Variants in TIAM2 observed in about 807,000 individuals in gnomAD.
The protein encoded by TIAM2 is rho guanine nucleotide exchange factor TIAM2.
TIAM2 carries 80 observed loss-of-function variants against 152.9 expected under a neutral mutation model. That is an observed-to-expected ratio of 0.52 (90% CI 0.44 to 0.63). TIAM2 has a LOEUF of 0.63. Ranked by LOEUF, TIAM2 falls within the 30% of genes least tolerant of loss-of-function variation. The pLI, the probability that TIAM2 is intolerant of heterozygous loss-of-function variation, is 0.00. For missense variants in TIAM2, 1,965 were observed against 2,120.1 expected (o/e 0.93, Z 1.44); for synonymous variants, 804 against 838.0 (o/e 0.96, Z 0.70).
rs879014193 is a variant in TIAM2, at chr6:155,240,548, G to A, written c.3187G>A (p.Ala1063Thr). Residue 1063 changes from alanine to threonine, a missense_variant, in exon 16 of 27, where the codon GCA (alanine) becomes ACA (threonine). Coordinates refer to ENST00000682666, the MANE Select transcript of TIAM2 (RefSeq NM_012454.4). ...CTCTCAGAGTGCTGAGCAGATCACT[G>A]CACTGTGCAGGAGTTTTAACGACAG... ...QTFRSAEQITALCRSFNDSQA... is the reference protein window; with the variant it reads ...QTFRSAEQITTLCRSFNDSQA... 2 of 1,613,690 alleles carry A rather than the reference G, an allele frequency of 1.2e-6. No homozygotes were observed. The highest frequency in any genetic ancestry group is 2.2e-5 in the East Asian group (1 of 44,898).
At chr6:155,196,894 T>C (rs147097778) in intron 14 of TIAM2, among the ~76,000 whole-genome samples, 335 of 152,388 alleles carry the variant, frequency 2.2e-3, no homozygotes, top group African/African-American at 7.8e-3. Flanking sequence ...TTCTTGCATA[T>C]GGCTGTTAAC....
chr6:155,142,793 C>A (rs528060780), intron 5 of TIAM2, among the ~76,000 whole-genome samples: 19 of 152,172 alleles, frequency 1.2e-4, no homozygotes, highest in Non-Finnish European at 2.4e-4. Context: ...GGAGCAAATG[C>A]GCAGTTTCTT....
intron 15 of TIAM2, among the ~76,000 whole-genome samples, chr6:155,215,370 A>T (rs1284936564): frequency 6.6e-6 from 1 of 152,232 alleles, no homozygotes; most frequent in Non-Finnish European, 1.5e-5. Flanking sequence ...AAGTGGAGAA[A>T]GGAGAAAGCA....
chr6:155,202,045 T>C (rs915166791), intron 14 of TIAM2, among the ~76,000 whole-genome samples: 2 of 150,930 alleles, frequency 1.3e-5, no homozygotes, highest in African/African-American at 4.9e-5. Flanking sequence ...TAAAAAAAAA[T>C]GCAAAGTCCC....
At chr6:155,115,970 G>A (rs935072655) in intron 2 of TIAM2, among the ~76,000 whole-genome samples, 1 of 152,266 alleles carries the variant, frequency 6.6e-6, no homozygotes, top group East Asian at 1.9e-4. Context: ...AAATTAGCTG[G>A]ATGTAACGGT....
intron 1 of TIAM2, among the ~76,000 whole-genome samples, chr6:155,077,795 G>A (rs1777990386): frequency 1.3e-5 from 2 of 152,178 alleles, no homozygotes; most frequent in East Asian, 3.8e-4. Flanking sequence ...GAAATTAGCT[G>A]TAGAGAGACA....
intron 1 of TIAM2, among the ~76,000 whole-genome samples, chr6:155,052,095 C>T (rs1299440284): frequency 6.6e-6 from 1 of 152,054 alleles, no homozygotes; most frequent in East Asian, 1.9e-4. Context: ...GAAAGTTGAT[C>T]TCCTTTAGCA....
chr6:155,004,976 T>G, intron 1 of TIAM2: 1 of 347,654 alleles, frequency 2.9e-6, no homozygotes, highest in Non-Finnish European at 4.8e-6. Flanking sequence ...CAGGCAGGCC[T>G]TCACTTACCT....
chr6:155,092,810 G>A (rs1252028412), intron 2 of TIAM2, among the ~76,000 whole-genome samples: 6 of 152,036 alleles, frequency 3.9e-5, no homozygotes, highest in African/African-American at 7.2e-5. Flanking sequence ...AGCCAAGATC[G>A]CACCATTGCA....
chr6:155,065,710 A>G (rs909411908), intron 1 of TIAM2, among the ~76,000 whole-genome samples: 1 of 152,194 alleles, frequency 6.6e-6, no homozygotes, highest in African/African-American at 2.4e-5. Flanking sequence ...TGGAGGTTGC[A>G]GTGAGCCCAG....
chr6:155,007,169 G>T (rs1583147327), intron 1 of TIAM2, among the ~76,000 whole-genome samples: 1 of 152,226 alleles, frequency 6.6e-6, no homozygotes, highest in Non-Finnish European at 1.5e-5. Context: ...GGAGGGTGTG[G>T]GGGAGTGGAG....
chr6:155,133,174 G>A (rs1323859242), intron 4 of TIAM2, among the ~76,000 whole-genome samples: 1 of 152,144 alleles, frequency 6.6e-6, no homozygotes, highest in Non-Finnish European at 1.5e-5. Flanking sequence ...GGCCAACTTG[G>A]TGAAATCCCA....
intron 1 of TIAM2, chr6:155,014,019 G>T (rs1230693752): frequency 4.0e-5 from 6 of 151,642 alleles, no homozygotes; most frequent in Admixed American, 3.9e-4. Context: ...AAACTAAGGT[G>T]ATGTGTATTT....
chr6:155,143,887 C>A (rs935080181), intron 5 of TIAM2, among the ~76,000 whole-genome samples: 7 of 151,654 alleles, frequency 4.6e-5, no homozygotes, highest in African/African-American at 1.2e-4. Context: ...AAAAAAAAAA[C>A]AAGCCGAAAG....
intron 1 of TIAM2, among the ~76,000 whole-genome samples, chr6:155,034,324 C>T (rs1002705493): frequency 1.2e-4 from 18 of 152,148 alleles, no homozygotes; most frequent in African/African-American, 4.1e-4. Context: ...GGTCTTGGCT[C>T]ACTGCAACCT....
chr6:155,127,494 A>C lies in TIAM2; in HGVS notation c.-113A>C. The C allele has an allele frequency of 2.3e-6, 1 of 438,818 alleles. No homozygotes were observed. Among genetic ancestry groups the C allele is most frequent in the Non-Finnish European group, 4.5e-6 (1 of 220,410 alleles). 27.2% of individuals were successfully genotyped at this position (438,818 alleles called of 1,614,324 possible). The stretch of plus-strand genomic sequence containing the variant: ...TCTTGCGTTTCTGTTTTTCAGGCTC[A>C]CTTCATGGACTCACTTTGCGTGCTT... On this transcript the variant is annotated 5_prime_UTR_variant, in exon 3 of 27. Coordinates refer to ENST00000682666, the MANE Select transcript of TIAM2 (RefSeq NM_012454.4).
In TIAM2 at chr6:155,182,001, C is replaced by A. The variant is rs553246263; in HGVS notation, c.2708-225C>A. Reference sequence around the variant, plus strand: ...TTATGCGTGTGGGTGCATGGTCTCACCTTTGGAATAAAAGTTATGTTTTTA... The same window carrying A: ...TTATGCGTGTGGGTGCATGGTCTCAACTTTGGAATAAAAGTTATGTTTTTA... On this transcript the variant is annotated intron_variant, in intron 12 of 26. Transcript: ENST00000682666. 1.4e-3 allele frequency among the ~76,000 whole-genome samples: 218 copies of A among 152,326 alleles called. 1 individual carries two copies. Among genetic ancestry groups the A allele is most frequent in the African/African-American group, 5.1e-3 (211 of 41,564 alleles).
rs531787798 is a variant in TIAM2 at position 155,178,991 on chromosome 6, A to G, written c.2524-48A>G. 9 of 1,413,304 alleles carry G rather than the reference A, an allele frequency of 6.4e-6. No homozygotes were observed. The East Asian group carries it at 1.4e-4, about 22-fold the overall frequency. 87.5% of individuals were successfully genotyped at this position (1,413,304 alleles called of 1,614,324 possible). On this transcript the variant is annotated intron_variant, in intron 10 of 26. Coordinates refer to ENST00000682666, the MANE Select transcript of TIAM2 (RefSeq NM_012454.4). ...TAATAAGCCTGCTAACCAATGATGG[A>G]TTTAGAAAGAGCATTTAAAATCTGA...
chr6:155,104,040 A>ACAC (rs1562316893), intron 2 of TIAM2, among the ~76,000 whole-genome samples: 924 of 57,684 alleles, frequency 0.016, 117 homozygotes, highest in African/African-American at 0.044. Flanking sequence ...ACACACACAC[A>ACAC]CCCCCCCCCC....
Sources: gnomAD v4.1 joint callset for allele counts (sites outside exome capture counted in the v4.1 genomes callset) on GRCh38, gnomAD v4.1.1 for gene constraint, MANE v1.5 for transcripts, NCBI Gene and HGNC (gene_info 2026-07-23, HGNC 2026-07-21) for gene names.